ZGRF1: variants seen among roughly 807,000 people sequenced by gnomAD.
ZGRF1 encodes the protein zinc finger GRF-type containing 1.
A neutral mutation model predicts 203.5 loss-of-function variants in ZGRF1; 196 were observed. That is an observed-to-expected ratio of 0.96 (90% CI 0.86 to 1.08). The LOEUF (loss-of-function observed/expected upper bound fraction) is 1.08. ZGRF1 is among the 50% of genes least tolerant of loss of function. ZGRF1 has a pLI of 0.00. For synonymous variants in ZGRF1, 809 were observed against 841.3 expected (o/e 0.96, Z 0.66); for missense variants, 2,326 against 2,416.3 (o/e 0.96, Z 0.78).
chr4:112,582,065 T>G (rs560633518), intron 15 of ZGRF1, among the ~76,000 whole-genome samples: 350 of 152,238 alleles, frequency 2.3e-3, no homozygotes, highest in Non-Finnish European at 4.1e-3. Context: ...TAAATTTAAT[T>G]TTGTTTATTG....
intron 16 of ZGRF1, among the ~76,000 whole-genome samples, chr4:112,570,327 G>T (rs902483138): frequency 6.6e-6 from 1 of 152,098 alleles, no homozygotes; most frequent in African/African-American, 2.4e-5. Context: ...GGTGGCTCAC[G>T]CCTGTAATCC....
intron 9 of ZGRF1, among the ~76,000 whole-genome samples, chr4:112,604,823 A>G (rs772714922): frequency 3.4e-4 from 51 of 152,166 alleles, no homozygotes; most frequent in Non-Finnish European, 5.6e-4. Context: ...TACTCCATAC[A>G]AAGTAAAGCT....
chr4:112,592,071 T>TC (rs1436097800), intron 10 of ZGRF1, among the ~76,000 whole-genome samples: 9 of 151,466 alleles, frequency 5.9e-5, no homozygotes, highest in Non-Finnish European at 1.3e-4. Flanking sequence ...ATACATGGTC[T>TC]CCATTTTCTT....
intron 16 of ZGRF1, among the ~76,000 whole-genome samples, chr4:112,575,745 T>C (rs1016220154): frequency 6.6e-6 from 1 of 152,162 alleles, no homozygotes; most frequent in Admixed American, 6.5e-5. Context: ...GTGCCTGCCA[T>C]TGCAGAGGCT....
At chr4:112,605,151 A>G (rs1750581836) in intron 9 of ZGRF1, among the ~76,000 whole-genome samples, 1 of 151,422 alleles carries the variant, frequency 6.6e-6, no homozygotes, top group African/African-American at 2.4e-5. Flanking sequence ...GGAAACAGGT[A>G]CATTACCTCC....
intron 22 of ZGRF1, among the ~76,000 whole-genome samples, chr4:112,551,218 G>A (rs1196975527): frequency 6.6e-6 from 1 of 152,114 alleles, no homozygotes; most frequent in Non-Finnish European, 1.5e-5. Context: ...TAGATTTGTA[G>A]CTGAGGAGCA....
At chr4:112,632,840 T>C (rs62317765) in intron 2 of ZGRF1, among the ~76,000 whole-genome samples, 9,787 of 152,246 alleles carry the variant, frequency 0.064, 454 homozygotes, top group East Asian at 0.23. Context: ...TCTCACACTT[T>C]CAAAGATTAT....
intron 3 of ZGRF1, among the ~76,000 whole-genome samples, chr4:112,631,668 T>C (rs1209167574): frequency 6.6e-6 from 1 of 152,038 alleles, no homozygotes; most frequent in Non-Finnish European, 1.5e-5. Flanking sequence ...TAAGACTCTG[T>C]CTCAAAAAAA....
At chr4:112,617,320 T>G (rs775385750) in intron 6 of ZGRF1, 120 bp downstream of exon 6, 2 of 663,314 alleles carry the variant, frequency 3.0e-6, no homozygotes, top group African/African-American at 1.9e-5. Context: ...ACCAAGTACA[T>G]GTATTACCTA....
intron 24 of ZGRF1, among the ~76,000 whole-genome samples, chr4:112,542,462 G>A (rs1239543076): frequency 6.6e-6 from 1 of 152,068 alleles, no homozygotes; most frequent in Non-Finnish European, 1.5e-5. Flanking sequence ...TTTACGGTAT[G>A]GTTTCAACTA....
chr4:112,543,813 C>G (rs1738197056), intron 24 of ZGRF1, among the ~76,000 whole-genome samples: 1 of 151,974 alleles, frequency 6.6e-6, no homozygotes, highest in Non-Finnish European at 1.5e-5. Context: ...ACTATATTAC[C>G]TATTCAAAAA....
At chr4:112,592,444 T>C (rs1268875537) in intron 10 of ZGRF1, among the ~76,000 whole-genome samples, 1 of 152,180 alleles carries the variant, frequency 6.6e-6, no homozygotes, top group African/African-American at 2.4e-5. Context: ...CCCTATTTCA[T>C]TGAAATTGCT....
intron 16 of ZGRF1, among the ~76,000 whole-genome samples, chr4:112,563,552 G>A (rs940577855): frequency 3.9e-5 from 6 of 152,168 alleles, no homozygotes; most frequent in African/African-American, 1.4e-4. Flanking sequence ...ATTACAGGGT[G>A]AGGAAGAAGG....
chr4:112,580,546 T>C (rs1269802829), intron 16 of ZGRF1, among the ~76,000 whole-genome samples: 6 of 151,840 alleles, frequency 4.0e-5, no homozygotes, highest in Non-Finnish European at 7.4e-5. Flanking sequence ...AGGGCTAATA[T>C]CTAGAATCTA....
At chr4:112,611,789 T>C (rs1368446379) in intron 7 of ZGRF1, among the ~76,000 whole-genome samples, 1 of 152,176 alleles carries the variant, frequency 6.6e-6, no homozygotes, top group Non-Finnish European at 1.5e-5. Context: ...TACATTTCTT[T>C]CAATGACATT....
At position 112,634,608 on chromosome 4, in the gene ZGRF1, G is replaced by A. The variant is rs553120643; in HGVS notation, c.-66-1366C>T. On this transcript the variant is annotated intron_variant, in intron 1 of 27. Transcript: ENST00000505019. ...AGAGGCTGCAGTGAGCCGAGATCAC[G>A]CCACTGCACTCCAGCCTGGGCGACA... Among the ~76,000 whole-genome samples, 111 of 151,794 alleles carry A rather than the reference G, an allele frequency of 7.3e-4. 1 individual carries two copies. Among genetic ancestry groups the A allele is most frequent in the African/African-American group, 2.6e-3 (107 of 41,354 alleles).
chr4:112,567,678 C>G (rs1224639192), intron 16 of ZGRF1, among the ~76,000 whole-genome samples: 1 of 152,178 alleles, frequency 6.6e-6, no homozygotes, highest in African/African-American at 2.4e-5. Flanking sequence ...ATAATCCCAA[C>G]ACTTTAGGAG....
At chr4:112,570,257 T>C (rs182849959) in intron 16 of ZGRF1, among the ~76,000 whole-genome samples, 18 of 152,270 alleles carry the variant, frequency 1.2e-4, no homozygotes, top group Admixed American at 5.2e-4. Flanking sequence ...ACCTTAATAA[T>C]ATCACTTCTC....
chr4:112,619,651 T>C lies in ZGRF1; in HGVS notation c.391A>G (p.Ile131Val), dbSNP rs771587143. The C allele has an allele frequency of 6.2e-7, 1 of 1,612,194 alleles. No homozygotes were observed. The highest frequency in any genetic ancestry group is 1.7e-5 in the Admixed American group (1 of 59,560). Residue 131 changes from isoleucine (I) to valine (V), a missense_variant, in exon 6 of 28, where the codon ATT (isoleucine) becomes GTT (valine). Physicochemically the swap from Ile to Val is conservative, Grantham distance 29 (BLOSUM62 3). Coordinates refer to ENST00000505019, the MANE Select transcript of ZGRF1 (RefSeq NM_018392.5). ...GCAGCTGATTCACCACTTTCCATAA[T>C]AACCATTTTCTTTGGAACCTGACGT... ...GPRQVPKKMV[I>V]MESGESAASH...
Sources: allele counts gnomAD v4.1 joint callset (sites outside exome capture counted in the v4.1 genomes callset), GRCh38; gene constraint gnomAD v4.1.1; transcripts MANE v1.5; gene names NCBI Gene and HGNC (gene_info 2026-07-23, HGNC 2026-07-21).